The following KMT2B variants were observed in gnomAD, a reference collection of about 807,000 sequenced individuals.
The protein encoded by KMT2B is histone-lysine N-methyltransferase 2B.
KMT2B carries 22 observed loss-of-function variants against 255.3 expected under a neutral mutation model. The observed-to-expected ratio is 0.09, with a 90% CI of 0.06 to 0.12. The LOEUF is 0.12. KMT2B is among the 10% of genes least tolerant of loss of function. The pLI, the probability that KMT2B is intolerant of heterozygous loss-of-function variation, is 1.00. For synonymous variants in KMT2B, 1,730 were observed against 1,498.1 expected (o/e 1.15, Z -3.57); for missense variants, 3,149 against 3,737.0 (o/e 0.84, Z 4.10).
rs902607535 is a variant in KMT2B at position 35,718,773 on chromosome 19, C to T, written c.363+392C>T. On this transcript the variant is annotated intron_variant, in intron 1 of 36. Transcript: ENST00000420124. The surrounding 1 kb of genome is among the most constrained non-coding windows in gnomAD (Gnocchi z 5.0). ...GCTGTCTGGGCTCTTACCTGTGGGC[C>T]GCCCCGCCGGGCCTCGCAACCTCCT... Among the ~76,000 whole-genome samples the T allele has an allele frequency of 3.3e-5, 5 of 152,180 alleles. No homozygotes were observed. Among genetic ancestry groups the T allele is most frequent in the African/African-American group, 9.7e-5 (4 of 41,442 alleles).
rs1171087718 is a variant in KMT2B at position 35,728,092 on chromosome 19, C to T, written c.4498-6C>T. 6.3e-7 allele frequency: 1 copy of T among 1,593,658 alleles called. No homozygotes were observed. ...GCTCTTCTCATCCTGTTAACCCACT[C>T]CCCAGCTGCTAGAATCTGCGTTCGG... On this transcript the variant is annotated splice_polypyrimidine_tract_variant and splice_region_variant and intron_variant, in intron 18 of 36. Transcript: ENST00000420124.
rs77144251 is a variant in KMT2B, at chr19:35,718,473, C to T, written c.363+92C>T. The T allele has an allele frequency of 5.1e-6, 6 of 1,185,358 alleles. No individual in the cohort carries two copies. Among genetic ancestry groups the T allele is most frequent in the African/African-American group, 1.6e-5 (1 of 62,284 alleles). The allele number at this position is 1,185,358 out of a possible 1,614,324, so 73.4% of individuals were successfully genotyped here. ...TGTCCCGGGGGCGGCGTGGGCAGGC[C>T]GGGTCCTCAGGGTTCCTTCGGAGAG... is the stretch of plus-strand genomic sequence containing the variant. On this transcript the variant is annotated intron_variant, in intron 1 of 36. Coordinates refer to ENST00000420124, the MANE Select transcript of KMT2B (RefSeq NM_014727.3). This position sits in a 1 kb window ranked among gnomAD's most constrained non-coding sequence, Gnocchi z 5.0.
chr19:35,721,832 A>T, intron 3 of KMT2B, 28 bp downstream of exon 3: 1 of 1,528,362 alleles, frequency 6.5e-7, no homozygotes, highest in Non-Finnish European at 8.8e-7. Context: ...GCCCAGCGGC[A>T]CACCCAGCCA....
Position 35,722,490 on chromosome 19 carries a change from G to C in KMT2B, c.2571+18G>C. The C allele has an allele frequency of 3.1e-6, 5 of 1,605,312 alleles. No individual in the cohort carries two copies. In the South Asian group the frequency reaches 5.5e-5, roughly 18 times the overall value. On this transcript the variant is annotated intron_variant, in intron 4 of 36. Coordinates refer to ENST00000420124, the MANE Select transcript of KMT2B (RefSeq NM_014727.3). ...GGCCCTCAGTATGCATCGGGAGGAG[G>C]GCCCTGAAGAAGACTGGCGGGAGGA...
Position 35,718,765 on chromosome 19 carries a change from C to T in KMT2B, c.363+384C>T, listed in dbSNP as rs1190177445. Among the ~76,000 whole-genome samples, 1 of 152,188 alleles carries T rather than the reference C, an allele frequency of 6.6e-6. No individual in the cohort carries two copies. The highest frequency in any genetic ancestry group is 2.1e-4 in the South Asian group (1 of 4,832). ...AGGTTGGAGCTGTCTGGGCTCTTAC[C>T]TGTGGGCCGCCCCGCCGGGCCTCGC... On this transcript the variant is annotated intron_variant, in intron 1 of 36. Transcript: ENST00000420124. The surrounding 1 kb of genome is among the most constrained non-coding windows in gnomAD (Gnocchi z 5.0).
chr19:35,733,399 T>G lies in KMT2B; in HGVS notation c.6850T>G (p.Phe2284Val). Residue 2284 changes from phenylalanine to valine, a missense_variant, in exon 28 of 37, where the codon TTC (phenylalanine) becomes GTC (valine). This residue lies in a region of KMT2B where 897 missense variants were observed against 825.3 expected (regional missense o/e 1.09). Coordinates refer to ENST00000420124, the MANE Select transcript of KMT2B (RefSeq NM_014727.3). The surrounding 1 kb of genome is among the most constrained non-coding windows in gnomAD (Gnocchi z 4.3). ...CATCCGCGTCAAGAGGGTGTCCACT[T>G]TCTCCGGCCGGTCCCCGCCAGCACC... Reference protein sequence around the residue: ...QAIRVKRVSTFSGRSPPAPPP... With the variant: ...QAIRVKRVSTVSGRSPPAPPP... The G allele has an allele frequency of 6.5e-7, 1 of 1,550,124 alleles. No individual in the cohort carries two copies. Among genetic ancestry groups the G allele is most frequent in the Non-Finnish European group, 8.7e-7 (1 of 1,146,922 alleles).
intron 26 of KMT2B, 136 bp from the exon 27 acceptor site, chr19:35,731,772 G>C: frequency 1.4e-6 from 1 of 705,684 alleles, no homozygotes; most frequent in Non-Finnish European, 2.5e-6. Flanking sequence ...AGCCTGGGTG[G>C]TCACTGGAAA....
chr19:35,725,579 G>A lies in KMT2B; in HGVS notation c.3743G>A (p.Arg1248His). ...CATCACGACACCTGGTGCTGCCGTC[G>A]CTGCAAATTCTGCCACGTCTGTGGA... ...PQHHDTWCCR[R>H]CKFCHVCGRK... Residue 1248 changes from arginine to histidine, a missense_variant, in exon 12 of 37, where the codon CGC becomes CAC. Around this residue, in one of 18 missense-constraint regions of KMT2B, gnomAD observed 377 missense variants for 471.0 expected, o/e 0.80. Transcript: ENST00000420124. The surrounding 1 kb of genome is among the most constrained non-coding windows in gnomAD (Gnocchi z 4.1). 2 of 1,610,188 alleles carry A rather than the reference G, an allele frequency of 1.2e-6. No homozygotes were observed. Among genetic ancestry groups the A allele is most frequent in the Non-Finnish European group, 8.5e-7 (1 of 1,179,880 alleles).
chr19:35,718,259 C>G lies in KMT2B; in HGVS notation c.241C>G (p.Arg81Gly). ...LGLRRGLRRL[R>G]RLWAGPRVQR... Reference sequence around the variant, plus strand: ...GCTCCGCCGGGGCCTGCGCCGGCTCCGCCGCCTGTGGGCCGGCCCGCGGGT... The same window carrying G: ...GCTCCGCCGGGGCCTGCGCCGGCTCGGCCGCCTGTGGGCCGGCCCGCGGGT... Residue 81 changes from arginine to glycine, a missense_variant, in exon 1 of 37, where the codon CGC becomes GGC. Arg to Gly is a moderately radical substitution (Grantham distance 125). This residue lies in a region of KMT2B where 1,188 missense variants were observed against 1,106.4 expected (regional missense o/e 1.07). Transcript: ENST00000420124. This position sits in a 1 kb window ranked among gnomAD's most constrained non-coding sequence, Gnocchi z 5.0. 8.3e-7 allele frequency: 1 copy of G among 1,208,814 alleles called. No individual in the cohort carries two copies. The highest frequency in any genetic ancestry group is 1.0e-6 in the Non-Finnish European group (1 of 965,522). The allele number at this position is 1,208,814 out of a possible 1,614,324, so 74.9% of individuals were successfully genotyped here.
In KMT2B at chr19:35,724,982, T is replaced by C. The variant is rs761405738; in HGVS notation, c.3430-7T>C. 4 of 1,599,628 alleles carry C rather than the reference T, an allele frequency of 2.5e-6. No homozygotes were observed. Among genetic ancestry groups the C allele is most frequent in the Non-Finnish European group, 2.6e-6 (3 of 1,166,842 alleles). The stretch of plus-strand genomic sequence containing the variant: ...CAGCTCTGAATTCCCCCACCTTTCC[T>C]CCCCAGGATGCTTTGGCCCCTGGCC... On this transcript the variant is annotated splice_polypyrimidine_tract_variant and splice_region_variant and intron_variant, in intron 9 of 36. Coordinates refer to ENST00000420124, the MANE Select transcript of KMT2B (RefSeq NM_014727.3).
rs991100601 is a variant in KMT2B at position 35,718,905 on chromosome 19, ACT to A, written c.363+527_363+528del. Among the ~76,000 whole-genome samples, 4 of 152,116 alleles carry A rather than the reference ACT, an allele frequency of 2.6e-5. No individual in the cohort carries two copies. Among genetic ancestry groups the A allele is most frequent in the Non-Finnish European group, 5.9e-5 (4 of 68,020 alleles). On this transcript the variant is annotated intron_variant, in intron 1 of 36. Transcript: ENST00000420124. This position sits in a 1 kb window ranked among gnomAD's most constrained non-coding sequence, Gnocchi z 5.0. ...AGTGGGATGAAGGCCGGGACTGGGCACTCTAGCAGGTCAGAGCTCAGCTCAGG... is the reference window on the plus strand; with the variant it reads ...AGTGGGATGAAGGCCGGGACTGGGCACTAGCAGGTCAGAGCTCAGCTCAGG...
At chr19:35,726,899 G>T (rs139088180) in intron 14 of KMT2B, among the ~76,000 whole-genome samples, 1 of 150,646 alleles carries the variant, frequency 6.6e-6, no homozygotes, top group South Asian at 2.1e-4. Context: ...CAGGAGAATC[G>T]CTTGAACCCG....
chr19:35,718,015 C>T lies in KMT2B; in HGVS notation c.-4C>T. The T allele has an allele frequency of 2.0e-6, 2 of 985,666 alleles. No homozygotes were observed. Among genetic ancestry groups the T allele is most frequent in the Non-Finnish European group, 2.4e-6 (2 of 831,048 alleles). 61.1% of individuals were successfully genotyped at this position (985,666 alleles called of 1,614,324 possible). On this transcript the variant is annotated 5_prime_UTR_variant, in exon 1 of 37. Coordinates refer to ENST00000420124, the MANE Select transcript of KMT2B (RefSeq NM_014727.3). This position sits in a 1 kb window ranked among gnomAD's most constrained non-coding sequence, Gnocchi z 5.0. ...GCCTCCCCGGCCCCTCTCACGGTGC[C>T]AAGATGGCGGCGGCGGCGGGCGGCG...
In KMT2B at chr19:35,725,121, C is replaced by A; in HGVS notation, c.3528+34C>A. 1 of 1,590,694 alleles carries A rather than the reference C, an allele frequency of 6.3e-7. No homozygotes were observed. Among genetic ancestry groups the A allele is most frequent in the South Asian group, 1.1e-5 (1 of 90,658 alleles). Reference sequence around the variant, plus strand: ...TTGAGTGGGGCGAGTCACAGAGCCTCTGGTTGGAAGAACCTCGATGACTGT... The same window carrying A: ...TTGAGTGGGGCGAGTCACAGAGCCTATGGTTGGAAGAACCTCGATGACTGT... On this transcript the variant is annotated intron_variant, in intron 10 of 36. Coordinates refer to ENST00000420124, the MANE Select transcript of KMT2B (RefSeq NM_014727.3). This position sits in a 1 kb window ranked among gnomAD's most constrained non-coding sequence, Gnocchi z 4.1.
At position 35,733,970 on chromosome 19, in the gene KMT2B, C is replaced by T; in HGVS notation, c.7159+98C>T. On this transcript the variant is annotated intron_variant, in intron 30 of 36. Coordinates refer to ENST00000420124, the MANE Select transcript of KMT2B (RefSeq NM_014727.3). This position sits in a 1 kb window ranked among gnomAD's most constrained non-coding sequence, Gnocchi z 4.3. ...AGCCCTCTTTCAAAACCAGTATCTACTCCCAGGGGCCAAGCCTGAGGCTCG... is the reference window on the plus strand; with the variant it reads ...AGCCCTCTTTCAAAACCAGTATCTATTCCCAGGGGCCAAGCCTGAGGCTCG... 1.2e-6 allele frequency: 1 copy of T among 813,586 alleles called. No individual in the cohort carries two copies. The highest frequency in any genetic ancestry group is 2.0e-6 in the Non-Finnish European group (1 of 497,368). The allele number at this position is 813,586 out of a possible 1,614,324, so 50.4% of individuals were successfully genotyped here.
intron 14 of KMT2B, among the ~76,000 whole-genome samples, chr19:35,726,877 G>C (rs1357293055): frequency 6.6e-6 from 1 of 151,808 alleles, no homozygotes; most frequent in Non-Finnish European, 1.5e-5. Context: ...TCAGCTACTC[G>C]GGAGGCTGAG....
chr19:35,734,020 G>A (rs1453228388), intron 30 of KMT2B, 148 bp downstream of exon 30: 4 of 614,466 alleles, frequency 6.5e-6, no homozygotes, highest in Non-Finnish European at 8.7e-6. Context: ...GATGACCTTG[G>A]GGAGCCTCTG....
chr19:35,732,823 C>G lies in KMT2B; in HGVS notation c.6274C>G (p.Arg2092Gly). 2 of 1,606,438 alleles carry G rather than the reference C, an allele frequency of 1.2e-6. No homozygotes were observed. The highest frequency in any genetic ancestry group is 2.2e-5 in the East Asian group (1 of 44,580). Residue 2092 changes from arginine to glycine, a missense_variant, in exon 28 of 37, where the codon CGG becomes GGG. Transcript: ENST00000420124. The stretch of plus-strand genomic sequence containing the variant: ...GCCTCCTTCGGGGCCAGGAGTAGTC[C>G]GGGCAGGGGTCCTTGGGGCTGCAGG... ...GTPPSGPGVV[R>G]AGVLGAAGDR...
In KMT2B at chr19:35,733,308, GCCCCCGCCACCCCCT is replaced by G; in HGVS notation, c.6764_6778del (p.Pro2255_Pro2259del). ...TGGTCGGAGTGGTCCGCCCTGCCCC[GCCCCCGCCACCCCCT>G]CCCCTGACGCTGGTGCTGAGCAGTG... On this transcript the variant is annotated inframe_deletion, in exon 28 of 37. Transcript: ENST00000420124. This position sits in a 1 kb window ranked among gnomAD's most constrained non-coding sequence, Gnocchi z 4.3. 1 of 532,656 alleles carries G rather than the reference GCCCCCGCCACCCCCT, an allele frequency of 1.9e-6. No homozygotes were observed. Among genetic ancestry groups the G allele is most frequent in the Non-Finnish European group, 3.0e-6 (1 of 338,850 alleles). 33.0% of individuals were successfully genotyped at this position (532,656 alleles called of 1,614,324 possible). A position where few individuals can be genotyped will look rare whatever the true frequency, so the allele number is the denominator to read the frequency against.
Sources: allele counts gnomAD v4.1 joint callset (sites outside exome capture counted in the v4.1 genomes callset), GRCh38; gene constraint gnomAD v4.1.1; regional missense constraint gnomAD v4.1.1; non-coding constraint Gnocchi (gnomAD v3.1); transcripts MANE v1.5; gene names NCBI Gene and HGNC (gene_info 2026-07-23, HGNC 2026-07-21).